WDR25: variants seen among roughly 807,000 people sequenced by gnomAD.
WDR25 encodes the protein WD repeat-containing protein 25.
In WDR25, 35 loss-of-function variants were observed where a neutral mutation model predicts 47.7. That is an observed-to-expected ratio of 0.73 (90% CI 0.56 to 0.97). The LOEUF is 0.97. Ranked by LOEUF, WDR25 falls within the 50% of genes least tolerant of loss-of-function variation. WDR25 has a pLI of 0.00. For synonymous variants in WDR25, 248 were observed against 278.9 expected (o/e 0.89, Z 1.10); for missense variants, 634 against 704.7 (o/e 0.90, Z 1.14).
intron 5 of WDR25, among the ~76,000 whole-genome samples, chr14:100,528,431 C>G (rs201948937): frequency 2.8e-4 from 31 of 111,098 alleles, no homozygotes; most frequent in African/African-American, 1.5e-3. Flanking sequence ...TTGTTTCTTT[C>G]TTTCTTTTTT....
At position 100,392,456 on chromosome 14, in the gene WDR25, C is replaced by G. The variant is rs1478983520; in HGVS notation, c.822+10710C>G. Among the ~76,000 whole-genome samples, 1 of 151,864 alleles carries G rather than the reference C, an allele frequency of 6.6e-6. No homozygotes were observed. The highest frequency in any genetic ancestry group is 1.5e-5 in the Non-Finnish European group (1 of 67,992). On this transcript the variant is annotated intron_variant, in intron 2 of 6. Transcript: ENST00000402312. This position sits in a 1 kb window ranked among gnomAD's most constrained non-coding sequence, Gnocchi z 4.2. ...CACCCTCTTGCCCCTTCTCCTCTGCCCTTCCTTTGGCCCTTTGTGGAGATG... is the reference window on the plus strand; with the variant it reads ...CACCCTCTTGCCCCTTCTCCTCTGCGCTTCCTTTGGCCCTTTGTGGAGATG...
intron 2 of WDR25, among the ~76,000 whole-genome samples, chr14:100,438,932 C>T (rs557832932): frequency 6.6e-6 from 1 of 152,350 alleles, no homozygotes; most frequent in South Asian, 2.1e-4. Flanking sequence ...GCCAGAGTTC[C>T]TTCTAGAACC....
In WDR25 at chr14:100,468,887, TTCCCC is replaced by T. The variant is rs1224310462; in HGVS notation, c.970+731_970+735del. On this transcript the variant is annotated intron_variant, in intron 3 of 6. Transcript: ENST00000402312. This position sits in a 1 kb window ranked among gnomAD's most constrained non-coding sequence, Gnocchi z 4.5. ...CCGAGCTCCTTCCTCTCTTTCTCCT[TTCCCC>T]TCCCCTCCCCTTTTCTTTCCTTTCC... Among the ~76,000 whole-genome samples, 1 of 152,032 alleles carries T rather than the reference TTCCCC, an allele frequency of 6.6e-6. No individual in the cohort carries two copies. Among genetic ancestry groups the T allele is most frequent in the Non-Finnish European group, 1.5e-5 (1 of 67,966 alleles).
Position 100,498,689 on chromosome 14 carries a change from G to A in WDR25, c.1101+14565G>A, listed in dbSNP as rs1336946546. On this transcript the variant is annotated intron_variant, in intron 4 of 6. Coordinates refer to ENST00000402312, the MANE Select transcript of WDR25 (RefSeq NM_001161476.3). This position sits in a 1 kb window ranked among gnomAD's most constrained non-coding sequence, Gnocchi z 4.2. ...CAGTCCCTGCGTCCTCCTCTTCCAG[G>A]GCCAACATGTGAGGTTGTGCAGTCT... 6.6e-6 allele frequency among the ~76,000 whole-genome samples: 1 copy of A among 152,098 alleles called. No homozygotes were observed. Among genetic ancestry groups the A allele is most frequent in the Non-Finnish European group, 1.5e-5 (1 of 68,026 alleles).
At chr14:100,385,537 A>G (rs1179861386) in intron 2 of WDR25, among the ~76,000 whole-genome samples, 1 of 152,264 alleles carries the variant, frequency 6.6e-6, no homozygotes, top group Non-Finnish European at 1.5e-5. Flanking sequence ...AACTGGACAC[A>G]TTACAGTGGA....
chr14:100,446,371 A>G (rs1898831498), intron 2 of WDR25, among the ~76,000 whole-genome samples: 1 of 152,000 alleles, frequency 6.6e-6, no homozygotes, highest in Non-Finnish European at 1.5e-5. Context: ...CCTGGCCCAC[A>G]TGGTTAGGCC....
rs936560034 is a variant in WDR25 at position 100,392,094 on chromosome 14, G to T, written c.822+10348G>T. 3.9e-5 allele frequency among the ~76,000 whole-genome samples: 6 copies of T among 152,140 alleles called. No homozygotes were observed. Among genetic ancestry groups the T allele is most frequent in the African/African-American group, 7.2e-5 (3 of 41,426 alleles). ...TGCTATTTCTGTTAACATGTGGGGGGTTTGTTACTGTTACTTTTACATAAA... is the reference window on the plus strand; with the variant it reads ...TGCTATTTCTGTTAACATGTGGGGGTTTTGTTACTGTTACTTTTACATAAA... On this transcript the variant is annotated intron_variant, in intron 2 of 6. Coordinates refer to ENST00000402312, the MANE Select transcript of WDR25 (RefSeq NM_001161476.3). This position sits in a 1 kb window ranked among gnomAD's most constrained non-coding sequence, Gnocchi z 4.2.
chr14:100,404,935 C>T lies in WDR25; in HGVS notation c.822+23189C>T, dbSNP rs1481409568. ...GGTGTGTTTGGGCCCTTCCTCTTAA[C>T]CCTCCTACCTTGTGTCCCCATGCTA... On this transcript the variant is annotated intron_variant, in intron 2 of 6. Transcript: ENST00000402312. The surrounding 1 kb of genome is among the most constrained non-coding windows in gnomAD (Gnocchi z 4.6). Among the ~76,000 whole-genome samples the T allele has an allele frequency of 2.0e-5, 3 of 152,120 alleles. No homozygotes were observed. The highest frequency in any genetic ancestry group is 4.4e-5 in the Non-Finnish European group (3 of 68,030).
intron 3 of WDR25, among the ~76,000 whole-genome samples, chr14:100,471,640 C>T (rs1360633815): frequency 1.3e-5 from 2 of 152,184 alleles, no homozygotes; most frequent in South Asian, 2.1e-4. Flanking sequence ...CTCACCGCAG[C>T]GCTTTGGGAA....
At chr14:100,514,687 C>T (rs1023337519) in intron 4 of WDR25, among the ~76,000 whole-genome samples, 3 of 152,070 alleles carry the variant, frequency 2.0e-5, no homozygotes, top group African/African-American at 7.2e-5. Flanking sequence ...TTCACTCTTA[C>T]TTATGTTACA....
At chr14:100,493,264 C>T (rs1034562739) in intron 4 of WDR25, among the ~76,000 whole-genome samples, 5 of 152,182 alleles carry the variant, frequency 3.3e-5, no homozygotes, top group African/African-American at 1.2e-4. Context: ...AAAGAAACCA[C>T]GTTTTTTAGC....
At chr14:100,475,297 A>T (rs548626329) in intron 3 of WDR25, among the ~76,000 whole-genome samples, 9 of 152,344 alleles carry the variant, frequency 5.9e-5, no homozygotes, top group African/African-American at 1.9e-4. Flanking sequence ...AAAGGAATTG[A>T]AATCGGTGTG....
At chr14:100,517,333 T>C (rs988565869) in intron 4 of WDR25, among the ~76,000 whole-genome samples, 1 of 151,990 alleles carries the variant, frequency 6.6e-6, no homozygotes, top group Non-Finnish European at 1.5e-5. Flanking sequence ...CGCCTCGGCC[T>C]CCCAAAGCTC....
intron 2 of WDR25, among the ~76,000 whole-genome samples, chr14:100,443,220 T>C (rs1455992958): frequency 6.6e-6 from 1 of 152,248 alleles, no homozygotes; most frequent in African/African-American, 2.4e-5. Flanking sequence ...TCATTAGGTT[T>C]GTAATACGTG....
chr14:100,528,717 G>A (rs1454794971), intron 5 of WDR25, among the ~76,000 whole-genome samples: 1 of 152,156 alleles, frequency 6.6e-6, no homozygotes, highest in East Asian at 1.9e-4. Context: ...ATTAGAACAT[G>A]GGTATATTTT....
At chr14:100,389,218 A>T (rs575439461) in intron 2 of WDR25, among the ~76,000 whole-genome samples, 2 of 152,350 alleles carry the variant, frequency 1.3e-5, no homozygotes, top group East Asian at 3.9e-4. Context: ...CCCTTCATTC[A>T]AGCCTAATGA....
In WDR25 at chr14:100,529,341, C is replaced by T. The variant is rs145832276; in HGVS notation, c.1413+133C>T. 2.2e-6 allele frequency: 3 copies of T among 1,359,156 alleles called. No homozygotes were observed. In the African/African-American group the frequency reaches 4.3e-5, roughly 20 times the overall value. 84.2% of individuals were successfully genotyped at this position (1,359,156 alleles called of 1,614,324 possible). On this transcript the variant is annotated intron_variant, in intron 6 of 6. Transcript: ENST00000402312. The surrounding 1 kb of genome is among the most constrained non-coding windows in gnomAD (Gnocchi z 5.1). ...CTGCTTTCTGTTTCCTGGGTGAGCG[C>T]ATGCCATGTGGCTCACTGTCTCTTC... is the stretch of plus-strand genomic sequence containing the variant.
intron 4 of WDR25, among the ~76,000 whole-genome samples, chr14:100,496,591 T>C (rs1900734104): frequency 6.6e-6 from 1 of 152,180 alleles, no homozygotes. Context: ...TCTTTTTTAA[T>C]ATAAACATTT....
At chr14:100,442,331 T>C (rs768786128) in intron 2 of WDR25, among the ~76,000 whole-genome samples, 1 of 152,180 alleles carries the variant, frequency 6.6e-6, no homozygotes, top group South Asian at 2.1e-4. Context: ...CTTGGGTAGA[T>C]GGTGGTGTAC....
Sources: gnomAD v4.1 joint callset for allele counts (sites outside exome capture counted in the v4.1 genomes callset) on GRCh38, gnomAD v4.1.1 for gene constraint, Gnocchi (gnomAD v3.1) non-coding constraint, MANE v1.5 for transcripts, NCBI Gene and HGNC (gene_info 2026-07-23, HGNC 2026-07-21) for gene names.